NPAS3: variants seen among roughly 807,000 people sequenced by gnomAD.
NPAS3 encodes the protein neuronal PAS domain-containing protein 3.
Under a neutral mutation model 73.1 loss-of-function variants are expected in NPAS3, and 14 were observed. That is an observed-to-expected ratio of 0.19 (90% confidence interval 0.13 to 0.30). The LOEUF is 0.30. Ranked by LOEUF, NPAS3 falls within the 10% of genes least tolerant of loss-of-function variation. The probability of loss-of-function intolerance (pLI) is 1.00; values close to 1 mark genes in which losing one functional copy is unlikely to be tolerated. For synonymous variants in NPAS3, 620 were observed against 541.5 expected, an observed-to-expected ratio of 1.14 and a Z score of -2.01; for missense variants, 1,096 against 1,250.0, an observed-to-expected ratio of 0.88 and a Z score of 1.86.
chr14:33,698,251 C>A (rs2060439796), intron 6 of NPAS3, among the ~76,000 whole-genome samples: 1 of 152,188 alleles, frequency 6.6e-6, no homozygotes, highest in South Asian at 2.1e-4. Flanking sequence ...CAACATATGA[C>A]CTCCAGAATT....
At chr14:33,000,342 C>T (rs1267241335) in intron 1 of NPAS3, among the ~76,000 whole-genome samples, 1 of 152,108 alleles carries the variant, frequency 6.6e-6, no homozygotes, top group Admixed American at 6.5e-5. Context: ...CTAAGTGTGG[C>T]AGGTTGTTTA....
At chr14:33,501,767 C>T (rs1231906192) in intron 4 of NPAS3, among the ~76,000 whole-genome samples, 1 of 151,824 alleles carries the variant, frequency 6.6e-6, no homozygotes, top group Non-Finnish European at 1.5e-5. Flanking sequence ...GAAAGGCTCT[C>T]CTAAGACCTC....
At chr14:33,634,326 T>C (rs1400650413) in intron 5 of NPAS3, among the ~76,000 whole-genome samples, 4 of 152,196 alleles carry the variant, frequency 2.6e-5, no homozygotes, top group African/African-American at 4.8e-5. Flanking sequence ...ACAGATTTGC[T>C]GTGGGTAAAT....
chr14:33,370,674 A>T (rs2046048185), intron 4 of NPAS3, among the ~76,000 whole-genome samples: 1 of 152,154 alleles, frequency 6.6e-6, no homozygotes, highest in Admixed American at 6.5e-5. Context: ...CCATTTAGGA[A>T]ATTGTTACCA....
intron 7 of NPAS3, among the ~76,000 whole-genome samples, chr14:33,763,316 A>G (rs1283667635): frequency 1.3e-5 from 2 of 152,264 alleles, no homozygotes; most frequent in Non-Finnish European, 2.9e-5. Flanking sequence ...TGAATTAAAC[A>G]GCCTTTTAAA....
At chr14:33,537,721 A>T (rs1437773805) in intron 4 of NPAS3, among the ~76,000 whole-genome samples, 1 of 152,200 alleles carries the variant, frequency 6.6e-6, no homozygotes, top group East Asian at 1.9e-4. Flanking sequence ...CTGTGAAACC[A>T]CTGGTGCTGG....
At chr14:33,771,208 C>T (rs2062640659) in intron 7 of NPAS3, among the ~76,000 whole-genome samples, 1 of 152,110 alleles carries the variant, frequency 6.6e-6, no homozygotes, top group East Asian at 1.9e-4. Flanking sequence ...GGAAAAAAAG[C>T]TCTGTTGGCA....
At chr14:33,183,184 T>C (rs1259561252) in intron 2 of NPAS3, among the ~76,000 whole-genome samples, 1 of 152,060 alleles carries the variant, frequency 6.6e-6, no homozygotes, top group African/African-American at 2.4e-5. Context: ...CCAGCACTTT[T>C]GGAGGCCGAG....
intron 2 of NPAS3, among the ~76,000 whole-genome samples, chr14:33,198,175 G>A (rs533999255): frequency 7.2e-5 from 11 of 152,282 alleles, no homozygotes; most frequent in South Asian, 2.1e-4. Context: ...AAGTCAGTGC[G>A]GACCCAAAGA....
intron 5 of NPAS3, among the ~76,000 whole-genome samples, chr14:33,591,301 T>C (rs1162042521): frequency 1.3e-5 from 2 of 152,190 alleles, no homozygotes; most frequent in Non-Finnish European, 2.9e-5. Context: ...TGTCTGCCAA[T>C]GTCCATCATG....
At chr14:33,188,591 C>T (rs987149268) in intron 2 of NPAS3, among the ~76,000 whole-genome samples, 1 of 152,160 alleles carries the variant, frequency 6.6e-6, no homozygotes, top group Non-Finnish European at 1.5e-5. Context: ...CCAGTACCTA[C>T]CAGATTTTCA....
intron 5 of NPAS3, among the ~76,000 whole-genome samples, chr14:33,623,993 C>A (rs963263563): frequency 4.6e-5 from 7 of 152,306 alleles, no homozygotes; most frequent in African/African-American, 1.7e-4. Context: ...TTCTCCTTTT[C>A]GAAGTCTTTG....
intron 5 of NPAS3, among the ~76,000 whole-genome samples, chr14:33,669,172 A>C (rs2059540390): frequency 6.6e-6 from 1 of 152,232 alleles, no homozygotes; most frequent in African/African-American, 2.4e-5. Context: ...GAAAAAAAGA[A>C]ACCGACTTCA....
intron 5 of NPAS3, among the ~76,000 whole-genome samples, chr14:33,616,014 T>C (rs1257396906): frequency 2.0e-5 from 3 of 152,166 alleles, no homozygotes; most frequent in Admixed American, 1.3e-4. Flanking sequence ...AAGGCAGCCA[T>C]AGTGCAAGCA....
chr14:33,325,040 G>A lies in NPAS3; in HGVS notation c.386-42146G>A, dbSNP rs757421515. ...TATACTCTGGGTGGCCATGCCCACC[G>A]GGTACAGTCATCTGTAGTTAAATAA... On this transcript the variant is annotated intron_variant, in intron 3 of 11. Coordinates refer to ENST00000356141, the Ensembl canonical transcript of NPAS3. 1.7e-4 allele frequency among the ~76,000 whole-genome samples: 26 copies of A among 152,038 alleles called. 1 individual carries two copies. Among genetic ancestry groups the A allele is most frequent in the African/African-American group, 5.1e-4 (21 of 41,382 alleles).
chr14:33,357,709 A>G (rs548510045), intron 3 of NPAS3, among the ~76,000 whole-genome samples: 1 of 152,250 alleles, frequency 6.6e-6, no homozygotes, highest in East Asian at 1.9e-4. Flanking sequence ...TCCCAATTCT[A>G]AATGCTGGGG....
chr14:33,583,777 T>A (rs2056765778), intron 5 of NPAS3, among the ~76,000 whole-genome samples: 1 of 152,212 alleles, frequency 6.6e-6, no homozygotes, highest in Non-Finnish European at 1.5e-5. Flanking sequence ...AGTGTAGCAA[T>A]TTAAGAAAAG....
At chr14:33,300,218 T>C (rs1338314307) in intron 3 of NPAS3, among the ~76,000 whole-genome samples, 1 of 152,208 alleles carries the variant, frequency 6.6e-6, no homozygotes, top group Non-Finnish European at 1.5e-5. Context: ...ATGCAAGTCT[T>C]GTTTCCAAAT....
chr14:33,178,457 C>G (rs2045678739), intron 2 of NPAS3, among the ~76,000 whole-genome samples: 1 of 152,058 alleles, frequency 6.6e-6, no homozygotes, highest in South Asian at 2.1e-4. Flanking sequence ...AATGTCTTTC[C>G]ATTTATTTTT....
Sources: allele counts gnomAD v4.1 joint callset (sites outside exome capture counted in the v4.1 genomes callset), GRCh38; gene constraint gnomAD v4.1.1; transcripts MANE v1.5; gene names NCBI Gene and HGNC (gene_info 2026-07-23, HGNC 2026-07-21).